EPHA6: variants seen among roughly 807,000 people sequenced by gnomAD.
The protein encoded by EPHA6 is ephrin type-A receptor 6.
A neutral mutation model predicts 112.0 loss-of-function variants in EPHA6; 50 were observed. That is an observed-to-expected ratio of 0.45 (90% CI 0.36 to 0.56). The LOEUF (loss-of-function observed/expected upper bound fraction) is 0.56. Among genes scored for constraint, EPHA6 ranks in the 20% least tolerant of loss-of-function variants. The pLI is 0.00. For synonymous variants in EPHA6, 529 were observed against 490.7 expected, an observed-to-expected ratio of 1.08 and a Z score of -1.03; for missense variants, 1,280 against 1,417.4, an observed-to-expected ratio of 0.90 and a Z score of 1.56.
At chr3:97,046,022 A>T (rs1406530001) in intron 3 of EPHA6, among the ~76,000 whole-genome samples, 1 of 152,166 alleles carries the variant, frequency 6.6e-6, no homozygotes, top group Non-Finnish European at 1.5e-5. Context: ...CTCAAGACAC[A>T]GAAAATCTCT....
chr3:97,403,684 G>T (rs1395517533), intron 5 of EPHA6, among the ~76,000 whole-genome samples: 3 of 152,290 alleles, frequency 2.0e-5, no homozygotes, highest in East Asian at 3.9e-4. Context: ...CTGACCTCGT[G>T]ATCTGCCCGC....
At position 97,620,404 on chromosome 3, in the gene EPHA6, A is replaced by G. The variant is rs116864603; in HGVS notation, c.2574+9550A>G. 0.01 allele frequency among the ~76,000 whole-genome samples: 1,564 copies of G among 152,194 alleles called. 90 individuals carry two copies. The East Asian group carries it at 0.19, about 18-fold the overall frequency. ...CACCAAAATAATTGCAACAAAAGTA[A>G]AAATGGACAAATAGAATCTAATCAA... On this transcript the variant is annotated intron_variant, in intron 13 of 17. Transcript: ENST00000389672.
At chr3:97,039,690 G>A (rs1224868721) in intron 3 of EPHA6, among the ~76,000 whole-genome samples, 1 of 151,926 alleles carries the variant, frequency 6.6e-6, no homozygotes, top group Non-Finnish European at 1.5e-5. Context: ...TTCAATGAAT[G>A]TTTATGTAAA....
intron 5 of EPHA6, among the ~76,000 whole-genome samples, chr3:97,334,803 A>G (rs902606359): frequency 7.9e-5 from 12 of 152,260 alleles, no homozygotes; most frequent in African/African-American, 2.6e-4. Context: ...GACTTTTTTC[A>G]TAGAAACAGC....
intron 3 of EPHA6, among the ~76,000 whole-genome samples, chr3:97,034,563 C>T (rs2045010207): frequency 6.6e-6 from 1 of 151,844 alleles, no homozygotes. Context: ...AAAGTCACCT[C>T]CAGCTATAAA....
intron 14 of EPHA6, among the ~76,000 whole-genome samples, chr3:97,681,262 C>T (rs1396276724): frequency 1.3e-5 from 2 of 152,126 alleles, no homozygotes; most frequent in Non-Finnish European, 2.9e-5. Context: ...TAAGCACTTT[C>T]ATACACTGTT....
chr3:97,111,859 T>C (rs923421804), intron 3 of EPHA6, among the ~76,000 whole-genome samples: 2 of 152,178 alleles, frequency 1.3e-5, no homozygotes, highest in African/African-American at 4.8e-5. Flanking sequence ...AGGAACGTTC[T>C]CATGCTCACC....
chr3:97,075,327 T>C (rs1301595287), intron 3 of EPHA6, among the ~76,000 whole-genome samples: 1 of 152,082 alleles, frequency 6.6e-6, no homozygotes, highest in African/African-American at 2.4e-5. Flanking sequence ...GATAACTAGA[T>C]GTCGCATGTT....
intron 14 of EPHA6, among the ~76,000 whole-genome samples, chr3:97,656,538 AT>A (rs2094138800): frequency 6.6e-6 from 1 of 151,920 alleles, no homozygotes. Context: ...AATTTTAAAT[AT>A]TATAAAAATG....
At position 96,949,200 on chromosome 3, in the gene EPHA6, G is replaced by GT. The variant is rs200214161; in HGVS notation, c.451-38122dup. On this transcript the variant is annotated intron_variant, in intron 2 of 17. Transcript: ENST00000389672. ...TTGATAGACGGAGAAAAAATTGTAA[G>GT]TTTTTTTTCACTTGTTTTGAATTTA... is the stretch of plus-strand genomic sequence containing the variant. 9.2e-5 allele frequency among the ~76,000 whole-genome samples: 14 copies of GT among 151,874 alleles called. No individual in the cohort carries two copies. The East Asian group carries it at 2.5e-3, about 27-fold the overall frequency.
intron 12 of EPHA6, among the ~76,000 whole-genome samples, chr3:97,599,855 A>G (rs1440237993): frequency 1.8e-4 from 27 of 152,100 alleles, no homozygotes; most frequent in African/African-American, 5.3e-4. Flanking sequence ...AATTACCTTG[A>G]GCAGTATGGC....
chr3:96,877,929 ATTTTT>A lies in EPHA6; in HGVS notation c.450+11048_450+11052del, dbSNP rs200140200. ...TGTGTGTGTGTATATATATATATAT[ATTTTT>A]TTTTTTTCCTTTGGATGTTCATGCA... is the stretch of plus-strand genomic sequence containing the variant. On this transcript the variant is annotated intron_variant, in intron 2 of 17. Transcript: ENST00000389672. 3.8e-3 allele frequency among the ~76,000 whole-genome samples: 491 copies of A among 128,568 alleles called. 3 individuals carry two copies. The highest frequency in any genetic ancestry group is 0.014 in the African/African-American group (441 of 31,012). 84.3% of individuals were successfully genotyped at this position (128,568 alleles called of 152,430 possible). A position where few individuals can be genotyped will look rare whatever the true frequency, so the allele number is the denominator to read the frequency against.
chr3:97,386,262 C>A (rs1323071276), intron 5 of EPHA6, among the ~76,000 whole-genome samples: 6 of 152,176 alleles, frequency 3.9e-5, no homozygotes, highest in Non-Finnish European at 7.4e-5. Flanking sequence ...GATTAAACCT[C>A]TTTTCTTCGT....
chr3:97,333,579 TA>T (rs1464437278), intron 5 of EPHA6, among the ~76,000 whole-genome samples: 1 of 149,648 alleles, frequency 6.7e-6, no homozygotes, highest in African/African-American at 2.5e-5. Context: ...GCTCAAGTGA[TA>T]CTCCCACCTC....
At chr3:97,348,781 T>G (rs1413201554) in intron 5 of EPHA6, among the ~76,000 whole-genome samples, 9 of 152,182 alleles carry the variant, frequency 5.9e-5, no homozygotes, top group Non-Finnish European at 1.0e-4. Context: ...CAGGATAGTC[T>G]GGGAGCATAG....
At chr3:97,710,808 A>G (rs563279382) in intron 14 of EPHA6, among the ~76,000 whole-genome samples, 31 of 152,356 alleles carry the variant, frequency 2.0e-4, no homozygotes, top group Non-Finnish European at 4.0e-4. Flanking sequence ...ATTTATGAGA[A>G]TCACCCTTGT....
At chr3:97,202,716 G>A (rs115575291) in intron 3 of EPHA6, among the ~76,000 whole-genome samples, 2,363 of 152,204 alleles carry the variant, frequency 0.016, 74 homozygotes, top group African/African-American at 0.054. Flanking sequence ...GTTGACTATA[G>A]GAGTCATACC....
At chr3:97,300,525 C>T (rs1413647920) in intron 5 of EPHA6, among the ~76,000 whole-genome samples, 1 of 152,070 alleles carries the variant, frequency 6.6e-6, no homozygotes, top group Non-Finnish European at 1.5e-5. Context: ...ATGTAGTAGG[C>T]AGTGGATCAA....
chr3:97,591,360 A>C (rs912842898), intron 11 of EPHA6, among the ~76,000 whole-genome samples: 14 of 152,188 alleles, frequency 9.2e-5, no homozygotes, highest in Non-Finnish European at 2.1e-4. Context: ...AAGAAGCCTC[A>C]AATTTTAACT....
Sources: allele counts gnomAD v4.1 joint callset (sites outside exome capture counted in the v4.1 genomes callset), GRCh38; gene constraint gnomAD v4.1.1; transcripts MANE v1.5; gene names NCBI Gene and HGNC (gene_info 2026-07-23, HGNC 2026-07-21).